The following DPP10 variants were observed in gnomAD, a reference collection of about 807,000 sequenced individuals.
DPP10 encodes the protein dipeptidyl peptidase like 10.
In DPP10, 33 loss-of-function variants were observed where a neutral mutation model predicts 120.9. That is an observed-to-expected ratio of 0.27 (90% confidence interval 0.21 to 0.37). The LOEUF (loss-of-function observed/expected upper bound fraction) is 0.37. Ranked by LOEUF, DPP10 falls within the 10% of genes least tolerant of loss-of-function variation. The pLI, the probability that DPP10 is intolerant of heterozygous loss-of-function variation, is 1.00. For synonymous variants in DPP10, 337 were observed against 326.1 expected (o/e 1.03, Z -0.36); for missense variants, 816 against 942.8 (o/e 0.87, Z 1.76).
intron 1 of DPP10, among the ~76,000 whole-genome samples, chr2:114,935,262 C>T (rs779396982): frequency 1.3e-4 from 17 of 133,078 alleles, no homozygotes; most frequent in Middle Eastern, 3.4e-3. Flanking sequence ...GAAAGCAAAC[C>T]TCCTCTCAAT....
chr2:115,649,572 G>A (rs2087568145), intron 5 of DPP10, among the ~76,000 whole-genome samples: 1 of 151,828 alleles, frequency 6.6e-6, no homozygotes, highest in African/African-American at 2.4e-5. Flanking sequence ...AAATTAAGTT[G>A]CTTTCAGACT....
chr2:115,573,887 T>C (rs1183478027), intron 5 of DPP10, among the ~76,000 whole-genome samples: 2 of 152,042 alleles, frequency 1.3e-5, no homozygotes, highest in African/African-American at 2.4e-5. Context: ...TCTAGTGTTA[T>C]TCTCATCTTC....
At chr2:115,116,364 C>T (rs2049505354) in intron 1 of DPP10, among the ~76,000 whole-genome samples, 1 of 152,092 alleles carries the variant, frequency 6.6e-6, no homozygotes, top group African/African-American at 2.4e-5. Flanking sequence ...ATCTTTATAT[C>T]TATATTTTCA....
At chr2:115,497,818 A>G (rs2076481198) in intron 3 of DPP10, among the ~76,000 whole-genome samples, 2 of 152,128 alleles carry the variant, frequency 1.3e-5, no homozygotes, top group Admixed American at 1.3e-4. Context: ...CTGTTGAGAC[A>G]TGATCATAAA....
At chr2:115,285,444 T>C (rs2060325337) in intron 1 of DPP10, among the ~76,000 whole-genome samples, 1 of 152,212 alleles carries the variant, frequency 6.6e-6, no homozygotes, top group Non-Finnish European at 1.5e-5. Context: ...TGTTGATTTA[T>C]TTTAAAAGTT....
rs78529089 is a variant in DPP10 at position 115,060,075 on chromosome 2, A to G, written c.61-249164A>G. 4.7e-3 allele frequency among the ~76,000 whole-genome samples: 712 copies of G among 152,130 alleles called. 8 individuals are homozygous for G. Among genetic ancestry groups the G allele is most frequent in the African/African-American group, 0.016 (676 of 41,526 alleles). On this transcript the variant is annotated intron_variant, in intron 1 of 25. Coordinates refer to ENST00000410059, the MANE Select transcript of DPP10 (RefSeq NM_020868.6). ...GCTCCCTCTCTCACTATTGTAAGCT[A>G]CACGAAGGCAGAAAGCATCACTTAT...
At chr2:115,125,915 A>T (rs1337274922) in intron 1 of DPP10, among the ~76,000 whole-genome samples, 1 of 152,090 alleles carries the variant, frequency 6.6e-6, no homozygotes, top group African/African-American at 2.4e-5. Flanking sequence ...TTTAAATTAG[A>T]TTTTTACCAA....
chr2:115,593,715 A>G (rs914603703), intron 5 of DPP10, among the ~76,000 whole-genome samples: 2 of 152,188 alleles, frequency 1.3e-5, no homozygotes, highest in Non-Finnish European at 2.9e-5. Context: ...CTCTTTTGAA[A>G]CATAATTTTT....
At chr2:114,763,299 G>A (rs574705585) in intron 1 of DPP10, among the ~76,000 whole-genome samples, 2 of 152,290 alleles carry the variant, frequency 1.3e-5, no homozygotes, top group South Asian at 4.1e-4. Flanking sequence ...TTCATCCTGA[G>A]AGTGAAGAAG....
chr2:114,503,820 TC>T (rs1683404998), intron 1 of DPP10, among the ~76,000 whole-genome samples: 1 of 152,170 alleles, frequency 6.6e-6, no homozygotes, highest in Non-Finnish European at 1.5e-5. Flanking sequence ...CTGACTTTTG[TC>T]CCATAAAAAA....
chr2:114,808,210 T>C (rs181342304), intron 1 of DPP10, among the ~76,000 whole-genome samples: 1 of 148,360 alleles, frequency 6.7e-6, no homozygotes, highest in Non-Finnish European at 1.5e-5. Flanking sequence ...ATCCAGCATA[T>C]TTTAAACAAC....
At chr2:115,168,700 G>C (rs1026028293) in intron 1 of DPP10, among the ~76,000 whole-genome samples, 2 of 152,178 alleles carry the variant, frequency 1.3e-5, no homozygotes, top group African/African-American at 4.8e-5. Flanking sequence ...CTCAAGGAAT[G>C]GTTGTCGTTT....
At chr2:115,371,840 A>G (rs1401698993) in intron 3 of DPP10, among the ~76,000 whole-genome samples, 1 of 152,154 alleles carries the variant, frequency 6.6e-6, no homozygotes, top group Non-Finnish European at 1.5e-5. Flanking sequence ...CTAAAAAAAC[A>G]GAGCAGGAAA....
At chr2:115,002,227 C>T (rs950602494) in intron 1 of DPP10, among the ~76,000 whole-genome samples, 12 of 151,926 alleles carry the variant, frequency 7.9e-5, no homozygotes, top group Admixed American at 6.6e-4. Flanking sequence ...AGATCACCTA[C>T]AACCATCAGA....
chr2:115,816,687 G>A (rs1687268119), intron 21 of DPP10, among the ~76,000 whole-genome samples: 1 of 148,646 alleles, frequency 6.7e-6, no homozygotes, highest in Non-Finnish European at 1.5e-5. Context: ...CGCGATCTGG[G>A]CTCACTGCAA....
intron 3 of DPP10, among the ~76,000 whole-genome samples, chr2:115,344,785 G>A (rs954391801): frequency 6.6e-6 from 1 of 152,094 alleles, no homozygotes; most frequent in Non-Finnish European, 1.5e-5. Flanking sequence ...TTGGATAGCT[G>A]TTAATCTTTA....
At chr2:114,895,819 A>T (rs1034737942) in intron 1 of DPP10, among the ~76,000 whole-genome samples, 4 of 152,134 alleles carry the variant, frequency 2.6e-5, no homozygotes, top group African/African-American at 9.7e-5. Context: ...AACCCCAGGG[A>T]TTTACTCAAT....
intron 1 of DPP10, among the ~76,000 whole-genome samples, chr2:114,779,139 T>C (rs969456536): frequency 2.6e-5 from 4 of 152,066 alleles, no homozygotes; most frequent in African/African-American, 9.7e-5. Context: ...CAGTCAGGCC[T>C]TCTCATCAGT....
chr2:114,956,640 C>G (rs925904332), intron 1 of DPP10, among the ~76,000 whole-genome samples: 4 of 152,008 alleles, frequency 2.6e-5, no homozygotes, highest in East Asian at 3.9e-4. Flanking sequence ...ATGGTAAAAG[C>G]AATTGTAAGC....
Sources: allele counts gnomAD v4.1 joint callset (sites outside exome capture counted in the v4.1 genomes callset), GRCh38; gene constraint gnomAD v4.1.1; transcripts MANE v1.5; gene names NCBI Gene and HGNC (gene_info 2026-07-23, HGNC 2026-07-21).